LAMP1: variants seen among roughly 807,000 people sequenced by gnomAD.
LAMP1 encodes the protein lysosome associated membrane protein 1.
LAMP1 carries 7 observed loss-of-function variants against 37.5 expected under a neutral mutation model. The ratio of observed to expected loss-of-function variants is 0.19; its 90% CI spans 0.11 to 0.35. The LOEUF (loss-of-function observed/expected upper bound fraction) is 0.35. LAMP1 is among the 10% of genes least tolerant of loss of function. LAMP1 has a pLI of 1.00. For synonymous variants in LAMP1, 236 were observed against 229.1 expected, an observed-to-expected ratio of 1.03 and a Z score of -0.27; for missense variants, 537 against 552.8, an observed-to-expected ratio of 0.97 and a Z score of 0.29.
At chr13:113,309,978 T>G in intron 3 of LAMP1, 116 bp downstream of exon 3, 1 of 799,708 alleles carries the variant, frequency 1.3e-6, no homozygotes, top group Non-Finnish European at 2.0e-6. Flanking sequence ...CCTGTAATCC[T>G]AGCACTTTGG....
intron 2 of LAMP1, among the ~76,000 whole-genome samples, chr13:113,308,950 G>A (rs1242405629): frequency 6.6e-6 from 1 of 152,134 alleles, no homozygotes; most frequent in East Asian, 1.9e-4. Flanking sequence ...TTTGTTTAAA[G>A]AAACATTATT....
intron 1 of LAMP1, among the ~76,000 whole-genome samples, chr13:113,298,361 T>A (rs2042553589): frequency 6.6e-6 from 1 of 152,182 alleles, no homozygotes; most frequent in African/African-American, 2.4e-5. Context: ...GCTGTCTCTT[T>A]AAGACAGTCC....
Position 113,321,784 on chromosome 13 carries a change from C to T in LAMP1, c.1114+57C>T. On this transcript the variant is annotated intron_variant, in intron 8 of 8. Transcript: ENST00000332556. The surrounding 1 kb of genome is among the most constrained non-coding windows in gnomAD (Gnocchi z 5.6). ...TGTGGAGGACGTGCTTCAGACTCCGCCTGTGGACGTTTAGTCGCTTCCGTG... is the reference window on the plus strand; with the variant it reads ...TGTGGAGGACGTGCTTCAGACTCCGTCTGTGGACGTTTAGTCGCTTCCGTG... 1 of 1,553,342 alleles carries T rather than the reference C, an allele frequency of 6.4e-7. No homozygotes were observed. The highest frequency in any genetic ancestry group is 8.8e-7 in the Non-Finnish European group (1 of 1,134,842).
Position 113,297,566 on chromosome 13 carries a change from G to C in LAMP1, c.61+71G>C, listed in dbSNP as rs917301550. On this transcript the variant is annotated intron_variant, in intron 1 of 8. Coordinates refer to ENST00000332556, the MANE Select transcript of LAMP1 (RefSeq NM_005561.4). This position sits in a 1 kb window ranked among gnomAD's most constrained non-coding sequence, Gnocchi z 4.4. ...GCCGAGGTCCCTGGGTCTTGAGGGC[G>C]GGGGACTGCCGGGTCGTTGTCCCGC... The C allele has an allele frequency of 2.3e-5, 28 of 1,193,962 alleles. No individual in the cohort carries two copies. In the African/African-American group the frequency reaches 3.8e-4, roughly 16 times the overall value. The allele number at this position is 1,193,962 out of a possible 1,614,324, so 74.0% of individuals were successfully genotyped here.
At chr13:113,312,329 C>T (rs2042634901) in intron 4 of LAMP1, among the ~76,000 whole-genome samples, 1 of 152,192 alleles carries the variant, frequency 6.6e-6, no homozygotes, top group African/African-American at 2.4e-5. Flanking sequence ...ATTCAGTGTC[C>T]ATAAGTTAAA....
chr13:113,318,745 CCA>C (rs2042680365), intron 4 of LAMP1, among the ~76,000 whole-genome samples: 1 of 152,034 alleles, frequency 6.6e-6, no homozygotes, highest in Non-Finnish European at 1.5e-5. Context: ...TCAGACGCAC[CCA>C]CACTCACTGC....
intron 1 of LAMP1, chr13:113,305,657 G>A (rs767494627): frequency 6.6e-6 from 1 of 152,210 alleles, no homozygotes; most frequent in Non-Finnish European, 1.5e-5. Context: ...CTCCACCGAT[G>A]TGTAGTGCTG....
chr13:113,311,674 A>G (rs1478824414), intron 4 of LAMP1, among the ~76,000 whole-genome samples: 2 of 152,162 alleles, frequency 1.3e-5, no homozygotes, highest in Non-Finnish European at 1.5e-5. Flanking sequence ...GGTCCAGGCC[A>G]CCTCCTAGCC....
intron 4 of LAMP1, among the ~76,000 whole-genome samples, chr13:113,311,121 G>C (rs1301310797): frequency 6.6e-6 from 1 of 152,266 alleles, no homozygotes; most frequent in South Asian, 2.1e-4. Context: ...GACAGATGTT[G>C]TGTGGTCTCC....
chr13:113,306,834 C>CTTTTTTTCTTTT (rs2042601651), intron 2 of LAMP1, among the ~76,000 whole-genome samples: 1 of 80,142 alleles, frequency 1.2e-5, no homozygotes, highest in African/African-American at 4.9e-5. Context: ...GAACATTTTC[C>CTTTTTTTCTTTT]TTTTTTTTTT....
At position 113,323,275 on chromosome 13, in the gene LAMP1, C is replaced by G. The variant is rs1276641525; in HGVS notation, c.*854C>G. 1.3e-5 allele frequency: 2 copies of G among 151,830 alleles called. No homozygotes were observed. The highest frequency in any genetic ancestry group is 4.2e-4 in the South Asian group (2 of 4,818). The allele number at this position is 151,830 out of a possible 1,614,324, so 9.4% of individuals were successfully genotyped here. ...TATTTGTAAAGTGATTTTTGGTCTT[C>G]TGTTGACATTCGGGGTGATCCTGTT... is the stretch of plus-strand genomic sequence containing the variant. On this transcript the variant is annotated 3_prime_UTR_variant, in exon 9 of 9. Transcript: ENST00000332556.
intron 1 of LAMP1, among the ~76,000 whole-genome samples, chr13:113,301,806 T>TA (rs35928098): frequency 6.8e-6 from 1 of 147,988 alleles, no homozygotes; most frequent in African/African-American, 2.5e-5. Context: ...TTAAGTAGAA[T>TA]AAAAATACCA....
chr13:113,317,520 T>C (rs1231064040), intron 4 of LAMP1, among the ~76,000 whole-genome samples: 1 of 152,226 alleles, frequency 6.6e-6, no homozygotes, highest in African/African-American at 2.4e-5. Context: ...GGGAAATGAA[T>C]GTGCCACATG....
In LAMP1 at chr13:113,320,289, T is replaced by C; in HGVS notation, c.751-56T>C. Reference sequence around the variant, plus strand: ...CACGGTTTCAGGACTGTTTGTCTTTTCGAGAGTGTGGAGGACCTGAGCTAG... The same window carrying C: ...CACGGTTTCAGGACTGTTTGTCTTTCCGAGAGTGTGGAGGACCTGAGCTAG... On this transcript the variant is annotated intron_variant, in intron 5 of 8. Coordinates refer to ENST00000332556, the MANE Select transcript of LAMP1 (RefSeq NM_005561.4). This position sits in a 1 kb window ranked among gnomAD's most constrained non-coding sequence, Gnocchi z 4.4. 6.2e-7 allele frequency: 1 copy of C among 1,607,248 alleles called. No homozygotes were observed. Among genetic ancestry groups the C allele is most frequent in the Non-Finnish European group, 8.5e-7 (1 of 1,175,248 alleles).
chr13:113,312,732 A>G (rs2139367709), intron 4 of LAMP1, among the ~76,000 whole-genome samples: 1 of 152,282 alleles, frequency 6.6e-6, no homozygotes, highest in Non-Finnish European at 1.5e-5. Flanking sequence ...CTTCATCAGG[A>G]AGAGCGGGCT....
intron 1 of LAMP1, chr13:113,304,882 C>T (rs1595457770): frequency 6.6e-6 from 1 of 152,100 alleles, no homozygotes; most frequent in Non-Finnish European, 1.5e-5. Context: ...GTCTTGAACT[C>T]CTGACTTCAT....
At position 113,316,568 on chromosome 13, in the gene LAMP1, G is replaced by A. The variant is rs571845475; in HGVS notation, c.563-2901G>A. On this transcript the variant is annotated intron_variant, in intron 4 of 8. Coordinates refer to ENST00000332556, the MANE Select transcript of LAMP1 (RefSeq NM_005561.4). ...CTCCCAAGTAGGTGGGACTGTAGGCGCCCGCCACCACGCCTGGCTAATTTT... is the reference window on the plus strand; with the variant it reads ...CTCCCAAGTAGGTGGGACTGTAGGCACCCGCCACCACGCCTGGCTAATTTT... Among the ~76,000 whole-genome samples, 1,319 of 152,028 alleles carry A rather than the reference G, an allele frequency of 8.7e-3. 15 individuals carry two copies. The highest frequency in any genetic ancestry group is 0.03 in the African/African-American group (1,252 of 41,470).
At chr13:113,306,833 C>CATTTTTTTTTTTTTT (rs2042601451) in intron 2 of LAMP1, among the ~76,000 whole-genome samples, 1 of 25,636 alleles carries the variant, frequency 3.9e-5, no homozygotes, top group Non-Finnish European at 1.2e-4. Context: ...TGAACATTTT[C>CATTTTTTTTTTTTTT]CTTTTTTTTT....
intron 1 of LAMP1, among the ~76,000 whole-genome samples, chr13:113,298,701 A>G (rs2042555369): frequency 6.6e-6 from 1 of 152,234 alleles, no homozygotes; most frequent in Admixed American, 6.5e-5. Context: ...AGTAAGCCTG[A>G]AGCCTTGCTC....
Sources: gnomAD v4.1 joint callset for allele counts (sites outside exome capture counted in the v4.1 genomes callset) on GRCh38, gnomAD v4.1.1 for gene constraint, Gnocchi (gnomAD v3.1) non-coding constraint, MANE v1.5 for transcripts, NCBI Gene and HGNC (gene_info 2026-07-23, HGNC 2026-07-21) for gene names.